SEMA4D: variants seen among roughly 807,000 people sequenced by gnomAD.
SEMA4D encodes the protein semaphorin-4D.
A neutral mutation model predicts 74.8 loss-of-function variants in SEMA4D; 22 were observed. The observed-to-expected ratio is 0.29, with a 90% CI of 0.21 to 0.42. The LOEUF (loss-of-function observed/expected upper bound fraction) is 0.42. SEMA4D is among the 10% of genes least tolerant of loss of function. The probability of loss-of-function intolerance (pLI) is 1.00; values close to 1 mark genes in which losing one functional copy is unlikely to be tolerated. For synonymous variants in SEMA4D, 445 were observed against 463.7 expected (o/e 0.96, Z 0.52); for missense variants, 937 against 1,118.4 (o/e 0.84, Z 2.31).
chr9:89,445,806 C>T (rs146260361), intron 2 of SEMA4D, among the ~76,000 whole-genome samples: 7 of 152,188 alleles, frequency 4.6e-5, no homozygotes, highest in Admixed American at 1.3e-4. Flanking sequence ...GGGAGGGCCA[C>T]CTCCTACCCC....
At chr9:89,451,798 A>G (rs1043637439) in intron 2 of SEMA4D, among the ~76,000 whole-genome samples, 3 of 152,244 alleles carry the variant, frequency 2.0e-5, no homozygotes, top group African/African-American at 7.2e-5. Context: ...CTTTAGTAAT[A>G]TATTTTATCT....
At chr9:89,392,385 A>T (rs776995994) in intron 8 of SEMA4D, 38 bp downstream of exon 8, 1 of 1,418,038 alleles carries the variant, frequency 7.1e-7, no homozygotes. Flanking sequence ...TCATGAGGAG[A>T]CACGCACCTC....
chr9:89,454,003 G>A (rs971075019), intron 2 of SEMA4D, among the ~76,000 whole-genome samples: 4 of 151,926 alleles, frequency 2.6e-5, no homozygotes, highest in African/African-American at 4.8e-5. Context: ...GACTACAGGC[G>A]CCCGCCACCA....
At chr9:89,460,770 C>A (rs968749854) in intron 1 of SEMA4D, among the ~76,000 whole-genome samples, 1 of 152,196 alleles carries the variant, frequency 6.6e-6, no homozygotes, top group Non-Finnish European at 1.5e-5. Flanking sequence ...TCCTACAGGC[C>A]CAGGAGAACC....
At chr9:89,494,755 C>G (rs558149550) in intron 1 of SEMA4D, among the ~76,000 whole-genome samples, 2 of 152,286 alleles carry the variant, frequency 1.3e-5, no homozygotes, top group East Asian at 3.9e-4. Flanking sequence ...ACTGTCCACT[C>G]AGACCATCTC....
intron 2 of SEMA4D, among the ~76,000 whole-genome samples, chr9:89,408,288 T>C (rs895319589): frequency 1.4e-4 from 21 of 152,018 alleles, no homozygotes; most frequent in Non-Finnish European, 2.6e-4. Flanking sequence ...CGCCCTGGAG[T>C]GGGGCTGCGT....
intron 1 of SEMA4D, among the ~76,000 whole-genome samples, chr9:89,490,203 G>C (rs754183645): frequency 3.3e-5 from 5 of 152,126 alleles, no homozygotes; most frequent in Admixed American, 6.6e-5. Context: ...AGTTTTTGTG[G>C]TTGAGTTGTA....
In SEMA4D at chr9:89,379,026, T is replaced by C. The variant is rs199650169; in HGVS notation, c.2267A>G (p.Tyr756Cys). The stretch of plus-strand genomic sequence containing the variant: ...GCACTGTCTGGGCAGGTATCCCTTA[T>C]AGCAGTTGTAGAAAAAGAGGCAGAG... ...LFLCLFFYNCYKGYLPRQCLK... is the reference protein window; with the variant it reads ...LFLCLFFYNCCKGYLPRQCLK... Residue 756 changes from tyrosine (Y) to cysteine (C), a missense_variant, in exon 16 of 16, where the codon TAT (tyrosine) becomes TGT (cysteine). Coordinates refer to ENST00000422704, the MANE Select transcript of SEMA4D (RefSeq NM_001371194.2). The C allele has an allele frequency of 6.2e-6, 10 of 1,611,662 alleles. No individual in the cohort carries two copies. The highest frequency in any genetic ancestry group is 2.2e-5 in the East Asian group (1 of 44,836).
intron 2 of SEMA4D, among the ~76,000 whole-genome samples, chr9:89,414,509 C>T (rs116762354): frequency 1.3e-5 from 2 of 152,194 alleles, no homozygotes. Context: ...CCTGCCAGTA[C>T]CTGGCCACCT....
At chr9:89,441,706 A>T (rs931521979) in intron 2 of SEMA4D, among the ~76,000 whole-genome samples, 1 of 152,180 alleles carries the variant, frequency 6.6e-6, no homozygotes, top group Admixed American at 6.5e-5. Context: ...GGGTGTCCTC[A>T]GTACCCTCTT....
chr9:89,386,502 G>T lies in SEMA4D; in HGVS notation c.1331-20C>A. 6.4e-7 allele frequency: 1 copy of T among 1,568,066 alleles called. No individual in the cohort carries two copies. The highest frequency in any genetic ancestry group is 8.8e-7 in the Non-Finnish European group (1 of 1,138,656). Reference sequence around the variant, plus strand: ...CCCGGTCTGCAGGGCCAAAGCTACAGGTCAGTGACACTAACCCAGACACAG... The same window carrying T: ...CCCGGTCTGCAGGGCCAAAGCTACATGTCAGTGACACTAACCCAGACACAG... On this transcript the variant is annotated intron_variant, in intron 12 of 15. Coordinates refer to ENST00000422704, the MANE Select transcript of SEMA4D (RefSeq NM_001371194.2).
chr9:89,386,513 C>T (rs756575392), intron 12 of SEMA4D, 31 bp from the exon 13 acceptor site: 1 of 1,488,744 alleles, frequency 6.7e-7, no homozygotes, highest in Non-Finnish European at 9.4e-7. Context: ...GTCAGTGACA[C>T]TAACCCAGAC....
chr9:89,414,546 GC>G (rs1845286287), intron 2 of SEMA4D, among the ~76,000 whole-genome samples: 1 of 152,098 alleles, frequency 6.6e-6, no homozygotes, highest in Admixed American at 6.5e-5. Context: ...GATGTCCTCT[GC>G]CCCCAGAAAC....
chr9:89,467,115 G>A (rs1858931811), intron 1 of SEMA4D, among the ~76,000 whole-genome samples: 1 of 152,184 alleles, frequency 6.6e-6, no homozygotes, highest in African/African-American at 2.4e-5. Flanking sequence ...GACTAGATGT[G>A]GGCACTCCTG....
At chr9:89,364,193 A>G (rs1223605433) in intron 16 of SEMA4D, 15 of 727,490 alleles carry the variant, frequency 2.1e-5, no homozygotes, top group Non-Finnish European at 2.8e-5. Context: ...TTCAAAGCAC[A>G]CCTGTGTGGC....
At chr9:89,477,035 G>A (rs774943666) in intron 1 of SEMA4D, among the ~76,000 whole-genome samples, 2 of 152,152 alleles carry the variant, frequency 1.3e-5, no homozygotes, top group Admixed American at 1.3e-4. Flanking sequence ...AGGCATGGAG[G>A]AGAGTGGGGC....
At chr9:89,473,821 C>A (rs1861067991) in intron 1 of SEMA4D, among the ~76,000 whole-genome samples, 1 of 152,130 alleles carries the variant, frequency 6.6e-6, no homozygotes. Context: ...CACCACTGCA[C>A]TCCAGCCTGG....
intron 17 of SEMA4D, chr9:89,363,561 C>T: frequency 6.2e-7 from 1 of 1,612,680 alleles, no homozygotes; most frequent in Non-Finnish European, 8.5e-7. Flanking sequence ...GGTCAAAGCT[C>T]TGTGGGCCTT....
At chr9:89,371,996 GTGTC>G (rs1212176681) in intron 16 of SEMA4D, among the ~76,000 whole-genome samples, 1 of 128,842 alleles carries the variant, frequency 7.8e-6, no homozygotes. Context: ...GGTGTGGTGT[GTGTC>G]TGGGGTGTGG....
Sources: allele counts gnomAD v4.1 joint callset (sites outside exome capture counted in the v4.1 genomes callset), GRCh38; gene constraint gnomAD v4.1.1; transcripts MANE v1.5; gene names NCBI Gene and HGNC (gene_info 2026-07-23, HGNC 2026-07-21).